Variants in LPP observed in about 807,000 individuals in gnomAD.
LPP encodes the protein LIM domain containing preferred translocation partner in lipoma.
Under a neutral mutation model 60.4 loss-of-function variants are expected in LPP, and 38 were observed. That is an observed-to-expected ratio of 0.63 (90% confidence interval 0.49 to 0.83). The LOEUF (loss-of-function observed/expected upper bound fraction) is 0.83, where lower values mean the gene tolerates loss of function less well. Among genes scored for constraint, LPP ranks in the 40% least tolerant of loss-of-function variants. LPP has a pLI of 0.00. For missense variants in LPP, 902 were observed against 783.6 expected, an observed-to-expected ratio of 1.15 and a Z score of -1.80; for synonymous variants, 328 against 290.8, an observed-to-expected ratio of 1.13 and a Z score of -1.30.
At chr3:188,240,740 T>A in intron 2 of LPP, among the ~76,000 whole-genome samples, 1 of 152,104 alleles carries the variant, frequency 6.6e-6, no homozygotes, top group East Asian at 1.9e-4. Flanking sequence ...GACATGGTTT[T>A]GGTGGGAGGA....
intron 7 of LPP, among the ~76,000 whole-genome samples, chr3:188,674,150 T>C (rs570604964): frequency 4.6e-5 from 7 of 152,136 alleles, no homozygotes; most frequent in Non-Finnish European, 1.0e-4. Context: ...CATTCTGAAC[T>C]AGTTATACTT....
intron 10 of LPP, among the ~76,000 whole-genome samples, chr3:188,871,317 C>T (rs1046991647): frequency 3.9e-5 from 6 of 152,108 alleles, no homozygotes; most frequent in African/African-American, 1.4e-4. Context: ...AATTTTTTGC[C>T]ACTGAATATA....
chr3:188,780,654 G>A (rs1250590672), intron 9 of LPP, among the ~76,000 whole-genome samples: 2 of 152,122 alleles, frequency 1.3e-5, no homozygotes, highest in African/African-American at 4.8e-5. Context: ...CTCCCTTCTA[G>A]TGAAAACGTT....
At chr3:188,592,563 T>TTGTTTTTTTTTTTTTTTTTTTTTTTTGG in intron 6 of LPP, among the ~76,000 whole-genome samples, 4 of 77,226 alleles carry the variant, frequency 5.2e-5, no homozygotes, top group African/African-American at 1.9e-4. Flanking sequence ...TTTTGTTTTT[T>TTGTTTTTTTTTTTTTTTTTTTTTTTTGG]AAATGGAGTC....
At chr3:188,450,611 G>T (rs1796357153) in intron 4 of LPP, among the ~76,000 whole-genome samples, 1 of 152,056 alleles carries the variant, frequency 6.6e-6, no homozygotes, top group South Asian at 2.1e-4. Flanking sequence ...TGGGCATGGT[G>T]GCAAGCGCCT....
intron 7 of LPP, among the ~76,000 whole-genome samples, chr3:188,647,266 A>C (rs1851274683): frequency 1.3e-5 from 2 of 152,212 alleles, no homozygotes; most frequent in South Asian, 2.1e-4. Context: ...TGGTCCTCAC[A>C]CAGGGCTCAC....
chr3:188,552,180 C>T (rs1828321814), intron 6 of LPP, among the ~76,000 whole-genome samples: 1 of 152,074 alleles, frequency 6.6e-6, no homozygotes, highest in South Asian at 2.1e-4. Context: ...TTAACTTCTC[C>T]CTGAGAATTA....
chr3:188,701,168 C>T (rs1451000789), intron 7 of LPP, among the ~76,000 whole-genome samples: 1 of 152,132 alleles, frequency 6.6e-6, no homozygotes, highest in Non-Finnish European at 1.5e-5. Flanking sequence ...TTTCCTTCTT[C>T]ATCAAGGGTC....
chr3:188,240,426 A>G (rs530639812), intron 2 of LPP, among the ~76,000 whole-genome samples: 3 of 151,796 alleles, frequency 2.0e-5, no homozygotes, highest in African/African-American at 7.3e-5. Context: ...ATGAAGAGGG[A>G]GAGGTCAGAT....
chr3:188,602,179 T>TATATATAATATATATATAATATATATATA (rs1841484640), intron 6 of LPP, among the ~76,000 whole-genome samples: 2 of 133,802 alleles, frequency 1.5e-5, no homozygotes, highest in African/African-American at 5.4e-5. Flanking sequence ...ATATATATTA[T>TATATATAATATATATATAATATATATATA]ATATATATAT....
At position 188,877,089 on chromosome 3, in the gene LPP, A is replaced by C. The variant is rs1219007768; in HGVS notation, c.*2610A>C. On this transcript the variant is annotated 3_prime_UTR_variant, in exon 12 of 12. Coordinates refer to ENST00000617246, the MANE Select transcript of LPP (RefSeq NM_001375462.1). Reference sequence around the variant, plus strand: ...GTTTTTTTTTTCTTTCACAAGGTATAATAAGGAAAGGATCCTACAATATTT... The same window carrying C: ...GTTTTTTTTTTCTTTCACAAGGTATCATAAGGAAAGGATCCTACAATATTT... The C allele has an allele frequency of 1.2e-5, 2 of 173,310 alleles. No homozygotes were observed. Among genetic ancestry groups the C allele is most frequent in the East Asian group, 2.1e-4 (2 of 9,670 alleles). 10.7% of individuals were successfully genotyped at this position (173,310 alleles called of 1,614,324 possible). A position where few individuals can be genotyped will look rare whatever the true frequency, so the allele number is the denominator to read the frequency against.
intron 9 of LPP, among the ~76,000 whole-genome samples, chr3:188,824,979 G>T (rs1365445038): frequency 1.3e-5 from 2 of 152,150 alleles, no homozygotes; most frequent in Non-Finnish European, 2.9e-5. Context: ...TGGATTAGCA[G>T]AAATTCATCT....
chr3:188,872,607 C>T, intron 10 of LPP, 36 bp from the exon 11 acceptor site: 10 of 1,613,614 alleles, frequency 6.2e-6, no homozygotes, highest in Middle Eastern at 3.3e-4. Context: ...AGTGTCGACG[C>T]GCAGTATCTA....
At chr3:188,598,839 C>A (rs1382367602) in intron 6 of LPP, among the ~76,000 whole-genome samples, 1 of 152,134 alleles carries the variant, frequency 6.6e-6, no homozygotes, top group Non-Finnish European at 1.5e-5. Context: ...TTCAGTGCTA[C>A]CAGTCATATA....
chr3:188,482,319 A>C (rs1805034150), intron 4 of LPP, among the ~76,000 whole-genome samples: 1 of 152,228 alleles, frequency 6.6e-6, no homozygotes. Context: ...CAGATAGAAC[A>C]TTTGAACTTG....
intron 2 of LPP, among the ~76,000 whole-genome samples, chr3:188,269,293 A>G (rs1736771391): frequency 6.6e-6 from 1 of 152,144 alleles, no homozygotes; most frequent in African/African-American, 2.4e-5. Flanking sequence ...ACTGTGTGCC[A>G]TTGGGCAAGT....
At chr3:188,840,187 T>C (rs911573755) in intron 9 of LPP, among the ~76,000 whole-genome samples, 8 of 152,198 alleles carry the variant, frequency 5.3e-5, no homozygotes, top group African/African-American at 1.9e-4. Context: ...TTCTTTCTTT[T>C]TCCAGCTATT....
chr3:188,808,108 C>A (rs1237080996), intron 9 of LPP, among the ~76,000 whole-genome samples: 1 of 151,798 alleles, frequency 6.6e-6, no homozygotes, highest in East Asian at 1.9e-4. Context: ...CTTAGTGCAC[C>A]ACAGATTTCA....
At chr3:188,500,770 T>C (rs1811591935) in intron 5 of LPP, among the ~76,000 whole-genome samples, 1 of 152,216 alleles carries the variant, frequency 6.6e-6, no homozygotes, top group African/African-American at 2.4e-5. Flanking sequence ...TGGTTTAGTC[T>C]TGGTGCATTT....
Sources: allele counts gnomAD v4.1 joint callset (sites outside exome capture counted in the v4.1 genomes callset), GRCh38; gene constraint gnomAD v4.1.1; transcripts MANE v1.5; gene names NCBI Gene and HGNC (gene_info 2026-07-23, HGNC 2026-07-21).